Variants in BACH2 observed in about 807,000 individuals in gnomAD.
BACH2 encodes the protein transcription regulator protein BACH2.
In BACH2, 5 loss-of-function variants were observed where a neutral mutation model predicts 61.8. The observed-to-expected ratio is 0.08, with a 90% CI of 0.04 to 0.17. The LOEUF is 0.17. Ranked by LOEUF, BACH2 falls within the 10% of genes least tolerant of loss-of-function variation. The pLI is 1.00. For synonymous variants in BACH2, 446 were observed against 440.1 expected, an observed-to-expected ratio of 1.01 and a Z score of -0.17; for missense variants, 824 against 1,091.1, an observed-to-expected ratio of 0.76 and a Z score of 3.45.
intron 5 of BACH2, among the ~76,000 whole-genome samples, chr6:90,078,039 G>T (rs922712714): frequency 3.0e-4 from 45 of 152,106 alleles, no homozygotes; most frequent in African/African-American, 1.1e-3. Context: ...AACTTGCAAA[G>T]CATAAAAAAT....
intron 3 of BACH2, among the ~76,000 whole-genome samples, chr6:90,242,916 G>A (rs898726556): frequency 6.6e-6 from 1 of 151,476 alleles, no homozygotes; most frequent in Non-Finnish European, 1.5e-5. Context: ...TTTAGCTCTT[G>A]TTGCCCAGAC....
Position 90,008,935 on chromosome 6 carries a change from A to G in BACH2, c.-12-79T>C. On this transcript the variant is annotated intron_variant, in intron 5 of 8. Coordinates refer to ENST00000257749, the MANE Select transcript of BACH2 (RefSeq NM_021813.4). The surrounding 1 kb of genome is among the most constrained non-coding windows in gnomAD (Gnocchi z 4.1). Reference sequence around the variant, plus strand: ...GCTGTAGGATCAGAGAGAGGAGGTGAGAAAGAACATCATGGTTCCTGTGTC... The same window carrying G: ...GCTGTAGGATCAGAGAGAGGAGGTGGGAAAGAACATCATGGTTCCTGTGTC... The G allele has an allele frequency of 2.0e-6, 3 of 1,513,860 alleles. No homozygotes were observed. Among genetic ancestry groups the G allele is most frequent in the Non-Finnish European group, 2.7e-6 (3 of 1,125,218 alleles). 93.8% of individuals were successfully genotyped at this position (1,513,860 alleles called of 1,614,324 possible). A position where few individuals can be genotyped will look rare whatever the true frequency, so the allele number is the denominator to read the frequency against.
intron 1 of BACH2, among the ~76,000 whole-genome samples, chr6:90,277,971 T>C (rs146984276): frequency 2.0e-5 from 3 of 152,346 alleles, no homozygotes; most frequent in African/African-American, 4.8e-5. Context: ...AGTATAAACA[T>C]AACTGGCAAG....
At chr6:90,135,177 TACAA>T (rs975950135) in intron 4 of BACH2, among the ~76,000 whole-genome samples, 1 of 152,220 alleles carries the variant, frequency 6.6e-6, no homozygotes, top group Non-Finnish European at 1.5e-5. Flanking sequence ...TTTCACATCC[TACAA>T]ACATTTTCTG....
intron 4 of BACH2, among the ~76,000 whole-genome samples, chr6:90,115,862 A>G (rs1783376444): frequency 6.6e-6 from 1 of 152,186 alleles, no homozygotes; most frequent in South Asian, 2.1e-4. Flanking sequence ...GGGGCAAAGG[A>G]CACGAACAAA....
chr6:89,945,543 G>A (rs1367320268), intron 7 of BACH2, among the ~76,000 whole-genome samples: 1 of 152,238 alleles, frequency 6.6e-6, no homozygotes, highest in East Asian at 1.9e-4. Context: ...GCCTGGGGCT[G>A]AGGGGAGTGG....
At chr6:90,122,421 A>T (rs553897620) in intron 4 of BACH2, among the ~76,000 whole-genome samples, 8 of 152,198 alleles carry the variant, frequency 5.3e-5, no homozygotes, top group Non-Finnish European at 1.2e-4. Flanking sequence ...AATCAAAAAA[A>T]AGGTTTACAG....
At chr6:90,116,724 G>T in intron 4 of BACH2, 1 of 407,316 alleles carries the variant, frequency 2.5e-6, no homozygotes, top group Non-Finnish European at 4.7e-6. Flanking sequence ...TCCACACTTT[G>T]TCTACAATCA....
At chr6:90,018,251 G>C (rs1167586396) in intron 5 of BACH2, among the ~76,000 whole-genome samples, 1 of 152,158 alleles carries the variant, frequency 6.6e-6, no homozygotes, top group Non-Finnish European at 1.5e-5. Flanking sequence ...ACTCTCTGAA[G>C]ATCTCTGGAG....
chr6:90,058,858 A>C (rs985849302), intron 5 of BACH2, among the ~76,000 whole-genome samples: 5 of 152,244 alleles, frequency 3.3e-5, no homozygotes, highest in African/African-American at 1.2e-4. Context: ...AACCTGACAA[A>C]AACAAGAAAT....
intron 3 of BACH2, among the ~76,000 whole-genome samples, chr6:90,233,522 AC>A (rs1770164845): frequency 6.6e-6 from 1 of 152,072 alleles, no homozygotes; most frequent in Non-Finnish European, 1.5e-5. Flanking sequence ...TGGCTATATG[AC>A]CCTGGACAAG....
At chr6:90,146,301 C>T (rs1249396868) in intron 4 of BACH2, among the ~76,000 whole-genome samples, 1 of 152,174 alleles carries the variant, frequency 6.6e-6, no homozygotes, top group African/African-American at 2.4e-5. Flanking sequence ...TTTGGACAAA[C>T]CACATCTGTT....
At chr6:89,944,724 C>T (rs1051797624) in intron 7 of BACH2, among the ~76,000 whole-genome samples, 1 of 151,774 alleles carries the variant, frequency 6.6e-6, no homozygotes, top group Non-Finnish European at 1.5e-5. Flanking sequence ...CCAACACACT[C>T]TCTTACTCTC....
At chr6:90,089,765 T>C (rs1782084455) in intron 4 of BACH2, among the ~76,000 whole-genome samples, 1 of 151,800 alleles carries the variant, frequency 6.6e-6, no homozygotes, top group South Asian at 2.1e-4. Context: ...GGGCCAGATA[T>C]ATTTCAGAAT....
intron 3 of BACH2, among the ~76,000 whole-genome samples, chr6:90,220,472 G>A (rs1013084287): frequency 1.3e-5 from 2 of 152,180 alleles, no homozygotes; most frequent in African/African-American, 4.8e-5. Context: ...GATTTGTCAG[G>A]GGAGGACTGT....
intron 2 of BACH2, among the ~76,000 whole-genome samples, chr6:90,257,407 C>T (rs1019362075): frequency 3.3e-5 from 5 of 152,154 alleles, no homozygotes; most frequent in Non-Finnish European, 5.9e-5. Flanking sequence ...TTTTTGATAA[C>T]AGCCATCCTA....
chr6:90,112,384 T>C (rs1783212246), intron 4 of BACH2, among the ~76,000 whole-genome samples: 1 of 152,162 alleles, frequency 6.6e-6, no homozygotes, highest in African/African-American at 2.4e-5. Flanking sequence ...GGGATCCCCA[T>C]CAGGCTAACA....
At chr6:89,991,007 T>C (rs919928033) in intron 6 of BACH2, among the ~76,000 whole-genome samples, 12 of 152,232 alleles carry the variant, frequency 7.9e-5, no homozygotes, top group Admixed American at 7.2e-4. Flanking sequence ...CATCTAACGT[T>C]GCACTTCCCT....
At chr6:90,157,275 T>C (rs916216789) in intron 4 of BACH2, among the ~76,000 whole-genome samples, 1 of 152,212 alleles carries the variant, frequency 6.6e-6, no homozygotes, top group African/African-American at 2.4e-5. Context: ...CCAATCAACA[T>C]ATTCACTTGG....
Sources: allele counts gnomAD v4.1 joint callset (sites outside exome capture counted in the v4.1 genomes callset), GRCh38; gene constraint gnomAD v4.1.1; non-coding constraint Gnocchi (gnomAD v3.1); transcripts MANE v1.5; gene names NCBI Gene and HGNC (gene_info 2026-07-23, HGNC 2026-07-21).